ADAMTSL1: variants seen among roughly 807,000 people sequenced by gnomAD.
ADAMTSL1 encodes the protein ADAMTS-like protein 1.
In ADAMTSL1, 126 loss-of-function variants were observed where a neutral mutation model predicts 201.8. That is an observed-to-expected ratio of 0.62 (90% CI 0.54 to 0.72). The LOEUF (loss-of-function observed/expected upper bound fraction) is 0.72, where lower values mean the gene tolerates loss of function less well. Ranked by LOEUF, ADAMTSL1 falls within the 30% of genes least tolerant of loss-of-function variation. The probability of loss-of-function intolerance (pLI) is 0.00; values close to 1 mark genes in which losing one functional copy is unlikely to be tolerated. For synonymous variants in ADAMTSL1, 1,121 were observed against 903.4 expected (o/e 1.24, Z -4.32); for missense variants, 2,679 against 2,277.8 (o/e 1.18, Z -3.59).
intron 2 of ADAMTSL1, among the ~76,000 whole-genome samples, chr9:18,359,116 T>C (rs1217747633): frequency 6.6e-6 from 1 of 152,218 alleles, no homozygotes; most frequent in Non-Finnish European, 1.5e-5. Flanking sequence ...TTATATGCAA[T>C]TATATAACAT....
At position 18,217,447 on chromosome 9, in the gene ADAMTSL1, G is replaced by A. The variant is rs1830095665; in HGVS notation, c.207+53466G>A. On this transcript the variant is annotated intron_variant, in intron 2 of 29. Transcript: ENST00000680146. Reference sequence around the variant, plus strand: ...GCTTTATTCCTCCCTTTCCTCCTCTGTCTGTCACCTTAGAAATCTTGGTAT... The same window carrying A: ...GCTTTATTCCTCCCTTTCCTCCTCTATCTGTCACCTTAGAAATCTTGGTAT... 2.0e-5 allele frequency among the ~76,000 whole-genome samples: 3 copies of A among 152,116 alleles called. No individual in the cohort carries two copies. The South Asian group carries it at 6.2e-4, about 32-fold the overall frequency.
At chr9:18,745,098 C>T (rs1273479593) in intron 15 of ADAMTSL1, among the ~76,000 whole-genome samples, 1 of 152,052 alleles carries the variant, frequency 6.6e-6, no homozygotes, top group African/African-American at 2.4e-5. Context: ...TAATAAGTAA[C>T]AAAGAAGTAT....
At chr9:18,756,074 AAAATATATATAT>A (rs1819728432) in intron 16 of ADAMTSL1, among the ~76,000 whole-genome samples, 1 of 67,044 alleles carries the variant, frequency 1.5e-5, no homozygotes, top group Admixed American at 1.9e-4. Context: ...GTCTCTACTG[AAAATATATATAT>A]ATATATATAT....
chr9:18,336,290 A>AG (rs1835239463), intron 2 of ADAMTSL1, among the ~76,000 whole-genome samples: 1 of 129,008 alleles, frequency 7.8e-6, no homozygotes, highest in Non-Finnish European at 1.8e-5. Context: ...TTTTGCTTTT[A>AG]GGGGGACGAT....
chr9:18,805,770 A>C (rs1488796314), intron 20 of ADAMTSL1, among the ~76,000 whole-genome samples: 3 of 152,160 alleles, frequency 2.0e-5, no homozygotes, highest in Non-Finnish European at 2.9e-5. Flanking sequence ...GTATCTGCAC[A>C]GTACTCCAGG....
chr9:18,603,785 G>A (rs964609754), intron 4 of ADAMTSL1, among the ~76,000 whole-genome samples: 1 of 152,042 alleles, frequency 6.6e-6, no homozygotes, highest in East Asian at 1.9e-4. Context: ...TCACGTTGTT[G>A]TGCCATCTCC....
chr9:18,119,743 G>C (rs375225430), intron 1 of ADAMTSL1, among the ~76,000 whole-genome samples: 34 of 152,130 alleles, frequency 2.2e-4, no homozygotes, highest in African/African-American at 8.0e-4. Flanking sequence ...GTTGCCAGGC[G>C]TGGAGGTCAG....
intron 1 of ADAMTSL1, among the ~76,000 whole-genome samples, chr9:18,114,049 G>T (rs1381142097): frequency 2.0e-5 from 3 of 152,050 alleles, no homozygotes; most frequent in Non-Finnish European, 4.4e-5. Context: ...CCACAAGAAG[G>T]ATCAAAAGAG....
At chr9:18,258,033 T>C (rs1384363426) in intron 2 of ADAMTSL1, among the ~76,000 whole-genome samples, 2 of 152,202 alleles carry the variant, frequency 1.3e-5, no homozygotes, top group Non-Finnish European at 2.9e-5. Flanking sequence ...TTTTTGGAAA[T>C]AGATCTTGGT....
intron 1 of ADAMTSL1, among the ~76,000 whole-genome samples, chr9:17,943,753 A>G (rs191655602): frequency 1.3e-5 from 2 of 152,272 alleles, no homozygotes; most frequent in Admixed American, 1.3e-4. Flanking sequence ...TTGCATTACT[A>G]TAAAGAAATA....
At chr9:18,573,417 A>G (rs917640824) in intron 3 of ADAMTSL1, 6 of 155,622 alleles carry the variant, frequency 3.9e-5, no homozygotes, top group African/African-American at 1.4e-4. Context: ...GAGGAAGTCC[A>G]TGCTCTTTCC....
chr9:18,839,058 AG>A (rs1825531531), intron 23 of ADAMTSL1, among the ~76,000 whole-genome samples: 1 of 149,426 alleles, frequency 6.7e-6, no homozygotes, highest in African/African-American at 2.5e-5. Context: ...TTATACTTTA[AG>A]TTTTAGGGTA....
At chr9:18,352,377 TA>T (rs1272487341) in intron 2 of ADAMTSL1, among the ~76,000 whole-genome samples, 6 of 152,224 alleles carry the variant, frequency 3.9e-5, no homozygotes, top group Admixed American at 1.3e-4. Flanking sequence ...GATGTTGTTC[TA>T]AATCTTCCTT....
At chr9:18,583,446 CA>C (rs1199755180) in intron 4 of ADAMTSL1, among the ~76,000 whole-genome samples, 1 of 152,208 alleles carries the variant, frequency 6.6e-6, no homozygotes, top group Non-Finnish European at 1.5e-5. Context: ...AATGCCCAGT[CA>C]GAAGTTTGCC....
chr9:18,294,678 TCCA>T (rs1321034142), intron 2 of ADAMTSL1, among the ~76,000 whole-genome samples: 5 of 152,144 alleles, frequency 3.3e-5, no homozygotes, highest in Non-Finnish European at 5.9e-5. Context: ...GTCTTCAGAC[TCCA>T]GAGGGGGCTC....
upstream of ADAMTSL1, among the ~76,000 whole-genome samples, chr9:18,470,710 G>T (rs1345332381): frequency 6.6e-6 from 1 of 152,132 alleles, no homozygotes; most frequent in Admixed American, 6.5e-5. Flanking sequence ...CGAAAGTTTA[G>T]CTCACTCTTT....
At chr9:18,413,947 A>G (rs902726885) in intron 2 of ADAMTSL1, among the ~76,000 whole-genome samples, 3 of 152,206 alleles carry the variant, frequency 2.0e-5, no homozygotes, top group African/African-American at 7.2e-5. Context: ...TTCTGTCTGA[A>G]CTACTAAATC....
chr9:18,004,916 C>T (rs189161496), intron 1 of ADAMTSL1, among the ~76,000 whole-genome samples: 42 of 152,130 alleles, frequency 2.8e-4, no homozygotes, highest in African/African-American at 8.9e-4. Context: ...TCTAATTCTA[C>T]CATTCATTTA....
At chr9:18,681,407 G>A (rs1213581702) in intron 11 of ADAMTSL1, 1 of 152,978 alleles carries the variant, frequency 6.5e-6, no homozygotes, top group Non-Finnish European at 1.5e-5. Flanking sequence ...CCATGTAGGG[G>A]TATTTCCCAT....
Sources: gnomAD v4.1 joint callset for allele counts (sites outside exome capture counted in the v4.1 genomes callset) on GRCh38, gnomAD v4.1.1 for gene constraint, MANE v1.5 for transcripts, NCBI Gene and HGNC (gene_info 2026-07-23, HGNC 2026-07-21) for gene names.